ARHGEF10: variants seen among roughly 807,000 people sequenced by gnomAD.
The protein encoded by ARHGEF10 is Rho guanine nucleotide exchange factor (GEF) 10.
In ARHGEF10, 140 loss-of-function variants were observed where a neutral mutation model predicts 147.4. The observed-to-expected ratio is 0.95, with a 90% CI of 0.83 to 1.09. ARHGEF10 has a LOEUF of 1.09. ARHGEF10 is among the 50% of genes least tolerant of loss of function. The pLI, the probability that ARHGEF10 is intolerant of heterozygous loss-of-function variation, is 0.00. For synonymous variants in ARHGEF10, 902 were observed against 695.8 expected (o/e 1.30, Z -4.67); for missense variants, 2,222 against 1,752.7 (o/e 1.27, Z -4.78).
At chr8:1,858,225 TGAGTCCCCAGGTG>T (rs1805762401) in intron 3 of ARHGEF10, 110 bp downstream of exon 3, 1 of 1,028,992 alleles carries the variant, frequency 9.7e-7, no homozygotes, top group Non-Finnish European at 1.4e-6. Flanking sequence ...AGTCCCCAGG[TGAGTCCCCAGGTG>T]GGTCCCCAGG....
chr8:1,823,409 C>G (rs1345193846), upstream of ARHGEF10, among the ~76,000 whole-genome samples: 1 of 151,660 alleles, frequency 6.6e-6, no homozygotes, highest in Non-Finnish European at 1.5e-5. Flanking sequence ...CCCTCCTCGG[C>G]TGGGCGCACC....
chr8:1,836,154 C>G (rs1803565556), intron 1 of ARHGEF10, among the ~76,000 whole-genome samples: 1 of 150,910 alleles, frequency 6.6e-6, no homozygotes, highest in Non-Finnish European at 1.5e-5. Flanking sequence ...GCATTCCAGC[C>G]TGGGCGACAG....
At chr8:1,873,084 G>T (rs3824135) in intron 7 of ARHGEF10, among the ~76,000 whole-genome samples, 40,848 of 152,064 alleles carry the variant, frequency 0.27, 7,046 homozygotes, top group African/African-American at 0.48. Context: ...GTGTGGCGAG[G>T]CCCAGTGTGT....
intron 23 of ARHGEF10, among the ~76,000 whole-genome samples, chr8:1,927,681 G>C (rs904776572): frequency 6.6e-6 from 1 of 152,172 alleles, no homozygotes; most frequent in Non-Finnish European, 1.5e-5. Flanking sequence ...TTGGGAGGCC[G>C]AGGCGGGTGG....
In ARHGEF10 at chr8:1,823,951, G is replaced by T. The variant is rs866915883; in HGVS notation, c.-210G>T. 2.0e-5 allele frequency: 3 copies of T among 151,294 alleles called. No homozygotes were observed. The highest frequency in any genetic ancestry group is 4.1e-4 in the South Asian group (2 of 4,838). The allele number at this position is 151,294 out of a possible 1,614,324, so 9.4% of individuals were successfully genotyped here. A position where few individuals can be genotyped will look rare whatever the true frequency, so the allele number is the denominator to read the frequency against. On this transcript the variant is annotated 5_prime_UTR_variant, in exon 1 of 29. Coordinates refer to ENST00000349830, the MANE Select transcript of ARHGEF10 (RefSeq NM_014629.4). ...AGGGGCTGGGCGCATCCCTGTAGCCGGCGGGCGCGCGATCCGGGACGGACG... is the reference window on the plus strand; with the variant it reads ...AGGGGCTGGGCGCATCCCTGTAGCCTGCGGGCGCGCGATCCGGGACGGACG...
At chr8:1,935,956 C>T (rs1206725423) in intron 26 of ARHGEF10, among the ~76,000 whole-genome samples, 1 of 152,220 alleles carries the variant, frequency 6.6e-6, no homozygotes, top group African/African-American at 2.4e-5. Flanking sequence ...GATGAGCCCA[C>T]CCGTGTCTGC....
At chr8:1,914,437 C>T (rs1000016136) in intron 18 of ARHGEF10, among the ~76,000 whole-genome samples, 2 of 152,240 alleles carry the variant, frequency 1.3e-5, no homozygotes, top group African/African-American at 4.8e-5. Context: ...GCCCGATGCA[C>T]TGCATGGCCT....
intron 8 of ARHGEF10, among the ~76,000 whole-genome samples, chr8:1,878,390 T>G (rs1185155213): frequency 6.6e-6 from 1 of 152,144 alleles, no homozygotes; most frequent in Non-Finnish European, 1.5e-5. Context: ...TTTCACCATA[T>G]TGGCCAGGCT....
At chr8:1,922,158 C>A (rs1812343714) in intron 18 of ARHGEF10, among the ~76,000 whole-genome samples, 2 of 151,738 alleles carry the variant, frequency 1.3e-5, no homozygotes, top group Admixed American at 6.6e-5. Context: ...CTGTAGTACA[C>A]AGGAAGCCCT....
chr8:1,888,187 GGT>G lies in ARHGEF10; in HGVS notation c.1182+2481_1182+2482del, dbSNP rs1808911274. Among the ~76,000 whole-genome samples the G allele has an allele frequency of 8.0e-5, 6 of 74,876 alleles. 2 individuals are homozygous for G. The highest frequency in any genetic ancestry group is 7.4e-4 in the African/African-American group (6 of 8,132). 49.1% of individuals were successfully genotyped at this position (74,876 alleles called of 152,430 possible). A position where few individuals can be genotyped will look rare whatever the true frequency, so the allele number is the denominator to read the frequency against. On this transcript the variant is annotated intron_variant, in intron 11 of 28. Coordinates refer to ENST00000349830, the MANE Select transcript of ARHGEF10 (RefSeq NM_014629.4). ...GCGAGGAGACAGTGAGTGGGGTGAG[GGT>G]TTGCGAGGAGACACTTAGTGGGGCG...
At chr8:1,896,711 G>C (rs1253621036) in intron 14 of ARHGEF10, among the ~76,000 whole-genome samples, 2 of 152,220 alleles carry the variant, frequency 1.3e-5, no homozygotes, top group Non-Finnish European at 2.9e-5. Flanking sequence ...AAGAAGTCAA[G>C]ATCAGATCCC....
chr8:1,861,309 G>A (rs1417620435), intron 4 of ARHGEF10, among the ~76,000 whole-genome samples: 1 of 152,258 alleles, frequency 6.6e-6, no homozygotes, highest in Non-Finnish European at 1.5e-5. Context: ...AGGACAGCGT[G>A]CAGTCCGTGG....
intron 18 of ARHGEF10, among the ~76,000 whole-genome samples, chr8:1,921,990 G>A (rs765772707): frequency 5.9e-5 from 9 of 152,202 alleles, no homozygotes; most frequent in Non-Finnish European, 1.2e-4. Context: ...AAGAAGGAGC[G>A]TATTACTGCA....
chr8:1,833,679 C>T (rs531460912), intron 1 of ARHGEF10, among the ~76,000 whole-genome samples: 47 of 152,358 alleles, frequency 3.1e-4, no homozygotes, highest in African/African-American at 9.9e-4. Flanking sequence ...GTCCCCAGGC[C>T]GCTGCTGCCC....
intron 4 of ARHGEF10, among the ~76,000 whole-genome samples, chr8:1,861,796 G>A (rs752980270): frequency 2.6e-5 from 4 of 152,160 alleles, no homozygotes; most frequent in East Asian, 1.9e-4. Flanking sequence ...CTGTGACCGC[G>A]GAGCATGAGA....
intron 27 of ARHGEF10, among the ~76,000 whole-genome samples, chr8:1,952,111 C>T (rs1815106367): frequency 6.6e-6 from 1 of 152,242 alleles, no homozygotes; most frequent in African/African-American, 2.4e-5. Context: ...CTCAAAGGCC[C>T]TTCTCACCCC....
At chr8:1,858,242 C>A in intron 3 of ARHGEF10, 127 bp downstream of exon 3, 1 of 852,406 alleles carries the variant, frequency 1.2e-6, no homozygotes, top group Non-Finnish European at 1.8e-6. Context: ...CCAGGTGGGT[C>A]CCCAGGTGAG....
intron 14 of ARHGEF10, among the ~76,000 whole-genome samples, chr8:1,897,182 T>C (rs916053431): frequency 2.7e-4 from 41 of 152,352 alleles, no homozygotes; most frequent in Non-Finnish European, 2.1e-4. Context: ...TGGAAACTGC[T>C]GCTACCTGGA....
chr8:1,890,062 G>A (rs945798459), intron 11 of ARHGEF10, among the ~76,000 whole-genome samples: 4 of 149,312 alleles, frequency 2.7e-5, no homozygotes, highest in East Asian at 2.0e-4. Flanking sequence ...GAGTCTGTGC[G>A]GAGACACCGA....
Sources: allele counts gnomAD v4.1 joint callset (sites outside exome capture counted in the v4.1 genomes callset), GRCh38; gene constraint gnomAD v4.1.1; transcripts MANE v1.5; gene names NCBI Gene and HGNC (gene_info 2026-07-23, HGNC 2026-07-21).